Variants in STIM1 observed in about 807,000 individuals in gnomAD.
STIM1 encodes the protein stromal interaction molecule 1.
In STIM1, 25 loss-of-function variants were observed where a neutral mutation model predicts 74.7. The observed-to-expected ratio is 0.33, with a 90% CI of 0.24 to 0.47. STIM1 has a LOEUF of 0.47. STIM1 is among the 20% of genes least tolerant of loss of function. STIM1 has a pLI of 1.00. For synonymous variants in STIM1, 328 were observed against 348.8 expected, an observed-to-expected ratio of 0.94 and a Z score of 0.66; for missense variants, 728 against 920.8, an observed-to-expected ratio of 0.79 and a Z score of 2.71.
rs548113243 is a variant in STIM1, at chr11:4,009,495, C to A, written c.271-14378C>A. On this transcript the variant is annotated intron_variant, in intron 2 of 12. Coordinates refer to ENST00000526596, the MANE Select transcript of STIM1 (RefSeq NM_001382567.1). ...TGATGGTGGGCGCCTGTAATCCCAG[C>A]TACTCAGGAGGCTGAGGCAGGAGAA... 4.0e-3 allele frequency among the ~76,000 whole-genome samples: 606 copies of A among 151,744 alleles called. 2 individuals carry two copies. The highest frequency in any genetic ancestry group is 0.014 in the African/African-American group (575 of 41,346).
intron 1 of STIM1, among the ~76,000 whole-genome samples, chr11:3,959,345 TG>T (rs1419045986): frequency 6.6e-6 from 1 of 152,104 alleles, no homozygotes; most frequent in African/African-American, 2.4e-5. Context: ...AGATGGACAG[TG>T]GATATTGGTG....
chr11:4,083,608 T>C (rs1411802413), intron 10 of STIM1, 110 bp downstream of exon 10: 1 of 1,034,868 alleles, frequency 9.7e-7, no homozygotes, highest in South Asian at 1.4e-5. Flanking sequence ...CCCAGGAAGA[T>C]AGTTCAACTC....
chr11:3,990,465 G>T (rs1229082530), intron 2 of STIM1, among the ~76,000 whole-genome samples: 1 of 152,180 alleles, frequency 6.6e-6, no homozygotes, highest in Admixed American at 6.5e-5. Context: ...GAATAGAATT[G>T]CTGGGTCATA....
chr11:3,944,664 C>T (rs1005622731), intron 1 of STIM1, among the ~76,000 whole-genome samples: 2 of 152,194 alleles, frequency 1.3e-5, no homozygotes, highest in Non-Finnish European at 2.9e-5. Flanking sequence ...AAATCACTGC[C>T]GCCATGTGGG....
At chr11:3,879,246 G>A (rs2091411099) in intron 1 of STIM1, among the ~76,000 whole-genome samples, 1 of 152,180 alleles carries the variant, frequency 6.6e-6, no homozygotes, top group Admixed American at 6.5e-5. Flanking sequence ...ATGAGCCACT[G>A]CGTCCAGCGT....
At chr11:3,931,181 G>A (rs984683963) in intron 1 of STIM1, among the ~76,000 whole-genome samples, 3 of 152,204 alleles carry the variant, frequency 2.0e-5, no homozygotes, top group African/African-American at 7.2e-5. Context: ...TGACATTTAA[G>A]TTGGATCTGA....
chr11:3,990,243 C>G (rs1247629313), intron 2 of STIM1, among the ~76,000 whole-genome samples: 1 of 152,156 alleles, frequency 6.6e-6, no homozygotes, highest in East Asian at 1.9e-4. Context: ...GTATATATAT[C>G]TGTACTTTAT....
chr11:3,885,352 A>G (rs2091666370), intron 1 of STIM1, among the ~76,000 whole-genome samples: 1 of 151,780 alleles, frequency 6.6e-6, no homozygotes, highest in Admixed American at 6.6e-5. Context: ...TTTTTGTATT[A>G]TTATTATTAT....
chr11:3,944,345 T>A (rs957847620), intron 1 of STIM1, among the ~76,000 whole-genome samples: 1 of 152,248 alleles, frequency 6.6e-6, no homozygotes, highest in African/African-American at 2.4e-5. Flanking sequence ...TGGCTTCTCA[T>A]GGCAGCCAAG....
intron 3 of STIM1, among the ~76,000 whole-genome samples, chr11:4,038,330 G>A (rs1298037664): frequency 6.6e-6 from 1 of 151,906 alleles, no homozygotes; most frequent in Admixed American, 6.6e-5. Context: ...CCACTGCACT[G>A]GGCCTACTTT....
intron 3 of STIM1, among the ~76,000 whole-genome samples, chr11:4,034,221 A>G (rs1236178666): frequency 6.6e-6 from 1 of 151,652 alleles, no homozygotes; most frequent in African/African-American, 2.4e-5. Context: ...AGAGTGAGAC[A>G]CTGTCTCGGA....
intron 3 of STIM1, among the ~76,000 whole-genome samples, chr11:4,041,039 A>G (rs975214639): frequency 6.6e-6 from 1 of 152,226 alleles, no homozygotes; most frequent in South Asian, 2.1e-4. Context: ...TAAAGAGACA[A>G]TTCACAGTTC....
intron 3 of STIM1, among the ~76,000 whole-genome samples, chr11:4,051,782 G>T (rs1034068327): frequency 1.3e-5 from 2 of 152,110 alleles, no homozygotes; most frequent in African/African-American, 4.8e-5. Flanking sequence ...GAGGAGCTGG[G>T]ACTCTAGGTG....
At chr11:3,965,224 G>A (rs1204913422) in intron 1 of STIM1, among the ~76,000 whole-genome samples, 5 of 152,226 alleles carry the variant, frequency 3.3e-5, no homozygotes, top group African/African-American at 1.2e-4. Context: ...CAATGGCAGA[G>A]TTAAGTTGTG....
rs1254195478 is a variant in STIM1, at chr11:3,967,598, A to C, written c.186A>C (p.Lys62Asn). 1 of 1,614,012 alleles carries C rather than the reference A, an allele frequency of 6.2e-7. No individual in the cohort carries two copies. Among genetic ancestry groups the C allele is most frequent in the East Asian group, 2.2e-5 (1 of 44,900 alleles). ...CCCTGTGTCACAGTGAGGATGAGAAACTCAGCTTCGAGGCAGTCCGTAACA... is the reference window on the plus strand; with the variant it reads ...CCCTGTGTCACAGTGAGGATGAGAACCTCAGCTTCGAGGCAGTCCGTAACA... The part of the protein sequence containing the change: ...DKPLCHSEDE[K>N]LSFEAVRNIH... The change falls in exon 2 of 13, where the codon AAA becomes AAC. Residue 62 changes from lysine (K) to asparagine (N), a missense_variant. By Grantham distance (94) the Lys-to-Asn change is moderately conservative. Transcript: ENST00000526596.
At chr11:3,967,991 C>A (rs961958086) in intron 2 of STIM1, among the ~76,000 whole-genome samples, 1 of 152,132 alleles carries the variant, frequency 6.6e-6, no homozygotes, top group Admixed American at 6.5e-5. Context: ...TCTATGGTTT[C>A]CTTGCATCCT....
chr11:3,964,798 C>T lies in STIM1; in HGVS notation c.140-2754C>T, dbSNP rs144405654. ...GGAGTTCAGTGGCACAAACATGGAT[C>T]ACTGCAGCCTCAGCCTCGTGGCCTC... On this transcript the variant is annotated intron_variant, in intron 1 of 12. Coordinates refer to ENST00000526596, the MANE Select transcript of STIM1 (RefSeq NM_001382567.1). 3.7e-3 allele frequency among the ~76,000 whole-genome samples: 563 copies of T among 150,520 alleles called. 3 individuals carry two copies. Among genetic ancestry groups the T allele is most frequent in the African/African-American group, 0.013 (528 of 40,884 alleles).
intron 1 of STIM1, among the ~76,000 whole-genome samples, chr11:3,875,326 A>T (rs996675592): frequency 2.0e-5 from 3 of 152,200 alleles, no homozygotes; most frequent in Non-Finnish European, 2.9e-5. Flanking sequence ...TATTTTTCTC[A>T]CTGACTTGAA....
chr11:3,924,523 C>T (rs1482612478), intron 1 of STIM1, among the ~76,000 whole-genome samples: 1 of 151,818 alleles, frequency 6.6e-6, no homozygotes, highest in African/African-American at 2.4e-5. Context: ...TAGTTTTTTT[C>T]CCCCCTAAGT....
Sources: allele counts gnomAD v4.1 joint callset (sites outside exome capture counted in the v4.1 genomes callset), GRCh38; gene constraint gnomAD v4.1.1; transcripts MANE v1.5; gene names NCBI Gene and HGNC (gene_info 2026-07-23, HGNC 2026-07-21).